Variants in SHISAL2B observed in about 807,000 individuals in gnomAD.
The protein encoded by SHISAL2B is shisa like 2B.
Under a neutral mutation model 16.5 loss-of-function variants are expected in SHISAL2B, and 12 were observed. That is an observed-to-expected ratio of 0.73 (90% CI 0.47 to 1.18). SHISAL2B has a LOEUF of 1.18. Ranked by LOEUF, SHISAL2B falls within the 50% of genes most tolerant of loss-of-function variation. The probability of loss-of-function intolerance (pLI) is 0.00; values close to 1 mark genes in which losing one functional copy is unlikely to be tolerated. For missense variants in SHISAL2B, 183 were observed against 193.6 expected, an observed-to-expected ratio of 0.95 and a Z score of 0.33; for synonymous variants, 72 against 75.0, an observed-to-expected ratio of 0.96 and a Z score of 0.21.
intron 1 of SHISAL2B, chr5:64,691,482 A>C (rs1741650627): frequency 6.7e-6 from 1 of 150,052 alleles, no homozygotes; most frequent in Admixed American, 6.7e-5. Flanking sequence ...GAGAGAATTG[A>C]AGCGACACCA....
rs375389237 is a variant in SHISAL2B at position 64,712,156 on chromosome 5, G to A, written c.350-5733G>A. Among the ~76,000 whole-genome samples the A allele has an allele frequency of 5.9e-3, 824 of 139,968 alleles. 18 individuals carry two copies. In the South Asian group the frequency reaches 0.094, roughly 16 times the overall value. The allele number at this position is 139,968 out of a possible 152,430, so 91.8% of individuals were successfully genotyped here. On this transcript the variant is annotated intron_variant, in intron 2 of 2. Transcript: ENST00000389074. The stretch of plus-strand genomic sequence containing the variant: ...AGGGTGTCAATTTTGGATCTTTCCT[G>A]CTTTCTCTTGTGGGCATTTAGTGCT...
rs563854983 is a variant in SHISAL2B, at chr5:64,695,600, G to A, written c.285G>A (p.Thr95=). ...VCVLCYLFLY[T]KPQRLDTGLK... ...TCCTTTGCTATTTATTTCTGTATAC[G>A]AAACCTCAAAGATTAGACACTGGCC... Residue 95 remains threonine, a synonymous_variant, in exon 2 of 3, where the codon ACG becomes ACA. Transcript: ENST00000389074. 47 of 1,536,410 alleles carry A rather than the reference G, an allele frequency of 3.1e-5. No homozygotes were observed. The highest frequency in any genetic ancestry group is 4.0e-5 in the Non-Finnish European group (46 of 1,146,556).
chr5:64,715,120 A>C (rs538603218), intron 2 of SHISAL2B, among the ~76,000 whole-genome samples: 2 of 152,248 alleles, frequency 1.3e-5, no homozygotes, highest in Admixed American at 6.5e-5. Context: ...TTGAACCATG[A>C]AGTCGTCCCA....
chr5:64,705,776 C>A (rs965492154), intron 2 of SHISAL2B, among the ~76,000 whole-genome samples: 54 of 152,132 alleles, frequency 3.5e-4, no homozygotes, highest in African/African-American at 1.3e-3. Flanking sequence ...CCTGACACAG[C>A]CTCAGGAAGT....
intron 2 of SHISAL2B, among the ~76,000 whole-genome samples, chr5:64,705,611 C>T (rs566780910): frequency 4.5e-4 from 68 of 152,074 alleles, no homozygotes; most frequent in Non-Finnish European, 7.8e-4. Flanking sequence ...TCTTTACCTG[C>T]TATGATACTA....
intron 2 of SHISAL2B, among the ~76,000 whole-genome samples, chr5:64,704,003 G>C (rs572272894): frequency 6.6e-6 from 1 of 152,286 alleles, no homozygotes; most frequent in African/African-American, 2.4e-5. Context: ...CACTTTTAGG[G>C]TAAAAACTTG....
rs115504110 is a variant in SHISAL2B, at chr5:64,707,620, A to G, written c.350-10269A>G. ...TAACTATATTGCCATAAGTTAAGAA[A>G]ACTCACAAATAGTTTCCAAATTCTG... On this transcript the variant is annotated intron_variant, in intron 2 of 2. Coordinates refer to ENST00000389074, the MANE Select transcript of SHISAL2B (RefSeq NM_001164442.2). 4.7e-3 allele frequency among the ~76,000 whole-genome samples: 723 copies of G among 152,324 alleles called. 6 individuals are homozygous for G. Among genetic ancestry groups the G allele is most frequent in the African/African-American group, 0.017 (687 of 41,570 alleles).
In SHISAL2B at chr5:64,715,284, A is replaced by T. The variant is rs145358576; in HGVS notation, c.350-2605A>T. ...TAGCATACTTAAAGGCAAGGTTTAGATTCACCAAAAAAAAAAAATTAAAAA... is the reference window on the plus strand; with the variant it reads ...TAGCATACTTAAAGGCAAGGTTTAGTTTCACCAAAAAAAAAAAATTAAAAA... On this transcript the variant is annotated intron_variant, in intron 2 of 2. Transcript: ENST00000389074. Among the ~76,000 whole-genome samples, 533 of 152,106 alleles carry T rather than the reference A, an allele frequency of 3.5e-3. 2 individuals carry two copies. The highest frequency in any genetic ancestry group is 0.012 in the African/African-American group (498 of 41,508).
chr5:64,699,410 G>A (rs1741778927), intron 2 of SHISAL2B, among the ~76,000 whole-genome samples: 3 of 152,178 alleles, frequency 2.0e-5, no homozygotes, highest in South Asian at 4.1e-4. Context: ...AAACATTGCT[G>A]TACCCTTCGT....
chr5:64,694,141 C>T (rs1561373547), intron 1 of SHISAL2B: 1 of 452,814 alleles, frequency 2.2e-6, no homozygotes, highest in Non-Finnish European at 4.4e-6. Flanking sequence ...TAAAGGCAAG[C>T]CAGGAAGATA....
At chr5:64,700,471 C>T (rs747960213) in intron 2 of SHISAL2B, among the ~76,000 whole-genome samples, 8 of 152,088 alleles carry the variant, frequency 5.3e-5, no homozygotes, top group Admixed American at 6.5e-5. Context: ...AGTATGGTGG[C>T]GCAATCTTGG....
intron 2 of SHISAL2B, among the ~76,000 whole-genome samples, chr5:64,712,949 G>T (rs529591184): frequency 1.3e-5 from 2 of 152,000 alleles, no homozygotes; most frequent in East Asian, 3.9e-4. Context: ...ATGTGAGATG[G>T]GTTTCCTGAA....
intron 1 of SHISAL2B, among the ~76,000 whole-genome samples, chr5:64,695,133 C>T (rs750619778): frequency 8.5e-5 from 13 of 152,100 alleles, no homozygotes; most frequent in South Asian, 2.1e-4. Flanking sequence ...GGCATGATGG[C>T]GTGCACCTGT....
chr5:64,715,469 T>G (rs532421629), intron 2 of SHISAL2B, among the ~76,000 whole-genome samples: 53 of 152,030 alleles, frequency 3.5e-4, no homozygotes, highest in African/African-American at 1.3e-3. Context: ...GGCTGGAGAA[T>G]TAGAGACACT....
chr5:64,708,584 A>G (rs1741905613), intron 2 of SHISAL2B, among the ~76,000 whole-genome samples: 1 of 152,178 alleles, frequency 6.6e-6, no homozygotes, highest in African/African-American at 2.4e-5. Flanking sequence ...TTTTTTAATC[A>G]TCTTGACAAT....
intron 2 of SHISAL2B, among the ~76,000 whole-genome samples, chr5:64,703,535 GCA>G (rs1222857344): frequency 6.6e-6 from 1 of 152,144 alleles, no homozygotes; most frequent in East Asian, 1.9e-4. Context: ...CCTCCTCAAG[GCA>G]CAGAGTCAGG....
In SHISAL2B at chr5:64,690,819, G is replaced by C. The variant is rs765901659; in HGVS notation, c.191+5G>C. 3.3e-6 allele frequency: 5 copies of C among 1,500,454 alleles called. No individual in the cohort carries two copies. The Admixed American group carries it at 6.4e-5, about 19-fold the overall frequency. The allele number at this position is 1,500,454 out of a possible 1,614,324, so 92.9% of individuals were successfully genotyped here. On this transcript the variant is annotated splice_donor_5th_base_variant and intron_variant, in intron 1 of 2. Coordinates refer to ENST00000389074, the MANE Select transcript of SHISAL2B (RefSeq NM_001164442.2). Reference sequence around the variant, plus strand: ...CAGCTACATGTGGAGCCTCAGGTGGGCTGAGAGCCCGCGCGTGCGGCGGCT... The same window carrying C: ...CAGCTACATGTGGAGCCTCAGGTGGCCTGAGAGCCCGCGCGTGCGGCGGCT...
intron 2 of SHISAL2B, among the ~76,000 whole-genome samples, chr5:64,704,492 A>G (rs999131025): frequency 6.6e-6 from 1 of 152,246 alleles, no homozygotes; most frequent in Non-Finnish European, 1.5e-5. Flanking sequence ...TACAATGACT[A>G]GAACAACAAA....
At chr5:64,699,473 T>C (rs1254042970) in intron 2 of SHISAL2B, among the ~76,000 whole-genome samples, 1 of 152,238 alleles carries the variant, frequency 6.6e-6, no homozygotes, top group Non-Finnish European at 1.5e-5. Flanking sequence ...TGGATGCCAG[T>C]GTTCTAGCTA....
Sources: allele counts gnomAD v4.1 joint callset (sites outside exome capture counted in the v4.1 genomes callset), GRCh38; gene constraint gnomAD v4.1.1; transcripts MANE v1.5; gene names NCBI Gene and HGNC (gene_info 2026-07-23, HGNC 2026-07-21).